The following CMIP variants were observed in gnomAD, a reference collection of about 807,000 sequenced individuals.
CMIP encodes c-Maf inducing protein.
A neutral mutation model predicts 97.3 loss-of-function variants in CMIP; 13 were observed. The ratio of observed to expected loss-of-function variants is 0.13; its 90% confidence interval spans 0.09 to 0.21. The LOEUF is 0.21. CMIP is among the 10% of genes least tolerant of loss of function. CMIP has a pLI of 1.00. For missense variants in CMIP, 847 were observed against 1,024.9 expected, an observed-to-expected ratio of 0.83 and a Z score of 2.37; for synonymous variants, 538 against 436.3, an observed-to-expected ratio of 1.23 and a Z score of -2.91.
At chr16:81,593,138 G>C (rs1198567924) in intron 1 of CMIP, among the ~76,000 whole-genome samples, 1 of 152,192 alleles carries the variant, frequency 6.6e-6, no homozygotes, top group African/African-American at 2.4e-5. Flanking sequence ...AGCTGGTTTC[G>C]TGATTAATGA....
At chr16:81,609,742 G>A (rs1597142947) in intron 2 of CMIP, among the ~76,000 whole-genome samples, 1 of 152,180 alleles carries the variant, frequency 6.6e-6, no homozygotes, top group Admixed American at 6.5e-5. Context: ...CACACTCCCC[G>A]GGCAGAGGGG....
intron 1 of CMIP, among the ~76,000 whole-genome samples, chr16:81,526,163 A>G (rs1027235861): frequency 6.6e-6 from 1 of 152,228 alleles, no homozygotes; most frequent in Non-Finnish European, 1.5e-5. Flanking sequence ...ACCTAGGTGC[A>G]GAGAGCATTT....
chr16:81,587,757 A>G (rs922386254), intron 1 of CMIP, among the ~76,000 whole-genome samples: 17 of 152,200 alleles, frequency 1.1e-4, no homozygotes, highest in African/African-American at 4.1e-4. Context: ...TTCAGGGAGC[A>G]GATTTTTCAT....
intron 1 of CMIP, among the ~76,000 whole-genome samples, chr16:81,592,202 A>G (rs1029822393): frequency 6.6e-6 from 1 of 152,206 alleles, no homozygotes; most frequent in African/African-American, 2.4e-5. Context: ...AAGGAATGGA[A>G]AGAGAGAAAG....
At chr16:81,460,833 G>A (rs1906855960) in intron 1 of CMIP, among the ~76,000 whole-genome samples, 1 of 152,226 alleles carries the variant, frequency 6.6e-6, no homozygotes, top group Non-Finnish European at 1.5e-5. Flanking sequence ...GCAAAATGGT[G>A]GTGGTGATGA....
At chr16:81,600,275 GA>G (rs71146022) in intron 1 of CMIP, among the ~76,000 whole-genome samples, 36,099 of 81,230 alleles carry the variant, frequency 0.44, 6,255 homozygotes, top group Non-Finnish European at 0.52. Flanking sequence ...GACTCCATCT[GA>G]AAAAAAAAAA....
chr16:81,660,524 C>T (rs2092533613), intron 5 of CMIP, among the ~76,000 whole-genome samples: 1 of 152,170 alleles, frequency 6.6e-6, no homozygotes, highest in African/African-American at 2.4e-5. Flanking sequence ...ATCTACCTGC[C>T]TTGGCCTCCC....
chr16:81,664,164 C>A, intron 6 of CMIP, 105 bp from the exon 7 acceptor site: 1 of 1,043,040 alleles, frequency 9.6e-7, no homozygotes, highest in Non-Finnish European at 1.4e-6. Context: ...CAAGGGAACC[C>A]AGGCACCCAC....
chr16:81,466,535 G>T (rs1011449456), intron 1 of CMIP, among the ~76,000 whole-genome samples: 1 of 152,218 alleles, frequency 6.6e-6, no homozygotes, highest in African/African-American at 2.4e-5. Context: ...AAAGATGGGG[G>T]TGTGTCTACA....
In CMIP at chr16:81,703,964, G is replaced by T; in HGVS notation, c.1970G>T (p.Ser657Ile). ...GACGCTGACTTGGCTCGTTTGCTGA[G>T]CTCCGGCTCCTTCGGAAACCTGGAG... Reference protein sequence around the residue: ...STDADLARLLSSGSFGNLENL... With the variant: ...STDADLARLLISGSFGNLENL... Residue 657 changes from serine to isoleucine, a missense_variant, in exon 18 of 21, where the codon AGC (serine) becomes ATC (isoleucine). Transcript: ENST00000537098. 6.3e-7 allele frequency: 1 copy of T among 1,596,432 alleles called. No homozygotes were observed. Among genetic ancestry groups the T allele is most frequent in the Non-Finnish European group, 8.5e-7 (1 of 1,173,106 alleles).
chr16:81,615,687 A>G (rs538763963), intron 2 of CMIP, among the ~76,000 whole-genome samples: 2 of 127,342 alleles, frequency 1.6e-5, no homozygotes, highest in African/African-American at 3.1e-5. Flanking sequence ...TGTGTGGTGT[A>G]TGTGTCCTTG....
intron 1 of CMIP, among the ~76,000 whole-genome samples, chr16:81,572,510 C>T (rs969845610): frequency 6.6e-6 from 1 of 152,238 alleles, no homozygotes; most frequent in African/African-American, 2.4e-5. Flanking sequence ...GTTCTTGGAG[C>T]ACCTACTGTG....
chr16:81,628,933 C>A (rs1386418461), intron 3 of CMIP, among the ~76,000 whole-genome samples: 1 of 151,724 alleles, frequency 6.6e-6, no homozygotes, highest in Admixed American at 6.6e-5. Context: ...GTCAGGAGTT[C>A]GAGACCAGCC....
At chr16:81,495,554 C>T in intron 1 of CMIP, 3 of 1,554,128 alleles carry the variant, frequency 1.9e-6, no homozygotes, top group Non-Finnish European at 2.6e-6. Context: ...AAAACCTCGC[C>T]TGCTGCTGCT....
At chr16:81,560,824 T>TTGTAGCCCAGCCATAGGTG (rs2090867991) in intron 1 of CMIP, among the ~76,000 whole-genome samples, 2 of 152,254 alleles carry the variant, frequency 1.3e-5, no homozygotes, top group African/African-American at 4.8e-5. Flanking sequence ...CTGTACAGGT[T>TTGTAGCCCAGCCATAGGTG]TGTAGCCCAG....
chr16:81,561,175 G>A (rs1471697327), intron 1 of CMIP, among the ~76,000 whole-genome samples: 1 of 152,210 alleles, frequency 6.6e-6, no homozygotes, highest in Non-Finnish European at 1.5e-5. Flanking sequence ...GGCTGGTCTT[G>A]AACTCCTGAC....
chr16:81,479,625 GATT>G (rs1316184160), intron 1 of CMIP, among the ~76,000 whole-genome samples: 6 of 151,980 alleles, frequency 3.9e-5, no homozygotes, highest in African/African-American at 7.3e-5. Context: ...TCTGGGTTAT[GATT>G]ATTATTATTT....
At chr16:81,506,099 A>G (rs986594302) in intron 1 of CMIP, among the ~76,000 whole-genome samples, 1 of 152,206 alleles carries the variant, frequency 6.6e-6, no homozygotes, top group African/African-American at 2.4e-5. Flanking sequence ...GTCTCTATTC[A>G]TCCTCCTGCA....
chr16:81,704,850 C>T (rs765420340), intron 18 of CMIP, among the ~76,000 whole-genome samples: 156 of 151,028 alleles, frequency 1.0e-3, no homozygotes, highest in Non-Finnish European at 2.0e-3. Context: ...TGAAGCCCTG[C>T]AGCCCATTTC....
Sources: allele counts gnomAD v4.1 joint callset (sites outside exome capture counted in the v4.1 genomes callset), GRCh38; gene constraint gnomAD v4.1.1; transcripts MANE v1.5; gene names NCBI Gene and HGNC (gene_info 2026-07-23, HGNC 2026-07-21).